Variants in FAAH2 observed in about 807,000 individuals in gnomAD.
FAAH2 encodes the protein fatty acid amide hydrolase 2, also known as fatty-acid amide hydrolase 2.
A neutral mutation model predicts 36.9 loss-of-function variants in FAAH2; 60 were observed. That is an observed-to-expected ratio of 1.63 (90% CI 1.32 to 2.02). The LOEUF is 2.02. Among genes scored for constraint, FAAH2 ranks in the 30% most tolerant of loss-of-function variants. The pLI, the probability that FAAH2 is intolerant of heterozygous loss-of-function variation, is 0.00. For missense variants in FAAH2, 689 were observed against 397.5 expected (o/e 1.73, Z -6.23); for synonymous variants, 214 against 143.8 (o/e 1.49, Z -3.49).
intron 10 of FAAH2, among the ~76,000 whole-genome samples, chrX:57,468,317 C>T (rs186264612): frequency 1.8e-5 from 2 of 111,378 alleles, no homozygotes; most frequent in Non-Finnish European, 3.8e-5. Context: ...GGAGCAAGTT[C>T]GAACCCAATG....
At chrX:57,272,280 T>C in the FAAH2 span, among the ~76,000 whole-genome samples, 2 of 110,413 alleles carry the variant, frequency 1.8e-5, no homozygotes, top group African/African-American at 3.3e-5. Flanking sequence ...CTGTGTTTGA[T>C]TGGTGTATCT....
the FAAH2 span, among the ~76,000 whole-genome samples, chrX:57,244,021 C>T: frequency 2.2e-4 from 24 of 107,721 alleles, no homozygotes; most frequent in African/African-American, 8.1e-4. Context: ...CGTTGAATTG[C>T]TAACTAGGAT....
the FAAH2 span, among the ~76,000 whole-genome samples, chrX:57,181,900 A>G: frequency 1.8e-5 from 2 of 111,860 alleles, no homozygotes; most frequent in African/African-American, 6.5e-5. Flanking sequence ...ATGTAACAGA[A>G]TAGATAGCTT....
chrX:57,461,886 A>G (rs1315600525), intron 10 of FAAH2, among the ~76,000 whole-genome samples: 2 of 110,808 alleles, frequency 1.8e-5, no homozygotes, highest in African/African-American at 6.6e-5. Flanking sequence ...GATTAACAAA[A>G]TACATAGACC....
At chrX:57,267,261 G>T in the FAAH2 span, among the ~76,000 whole-genome samples, 2 of 112,815 alleles carry the variant, frequency 1.8e-5, no homozygotes, top group South Asian at 7.2e-4. Context: ...CCTTCAGCAT[G>T]CAGGAGTGCA....
At chrX:57,330,616 T>G (rs753657715) in intron 3 of FAAH2, among the ~76,000 whole-genome samples, 1 of 111,542 alleles carries the variant, frequency 9.0e-6, no homozygotes, top group South Asian at 3.8e-4. Flanking sequence ...CCTCCCCTTT[T>G]GAACGTCCCT....
chrX:57,462,227 G>T (rs1419027773), intron 10 of FAAH2, among the ~76,000 whole-genome samples: 1 of 106,655 alleles, frequency 9.4e-6, no homozygotes, highest in Non-Finnish European at 1.9e-5. Context: ...TCTACCAGAG[G>T]TACAAAGAGC....
chrX:57,478,292 G>A (rs891543579), intron 10 of FAAH2, among the ~76,000 whole-genome samples: 1 of 111,535 alleles, frequency 9.0e-6, no homozygotes. Flanking sequence ...GTCTTCTTTT[G>A]AGAAGTGTCT....
chrX:57,325,574 G>T (rs1171960576), intron 3 of FAAH2, among the ~76,000 whole-genome samples: 3 of 107,792 alleles, frequency 2.8e-5, no homozygotes, highest in African/African-American at 1.0e-4. Context: ...TTGGGACAGT[G>T]TAGGTGTCGA....
chrX:57,354,304 A>T (rs768250085), intron 5 of FAAH2, among the ~76,000 whole-genome samples: 1 of 111,169 alleles, frequency 9.0e-6, no homozygotes, highest in South Asian at 3.8e-4. Flanking sequence ...TGACATCATT[A>T]TATTTAGCAA....
At chrX:57,225,479 T>G in the FAAH2 span, among the ~76,000 whole-genome samples, 1 of 112,051 alleles carries the variant, frequency 8.9e-6, no homozygotes, top group Non-Finnish European at 1.9e-5. Context: ...CATTTCCAGT[T>G]TTATTCCACT....
At chrX:57,368,726 C>G (rs977926293) in intron 5 of FAAH2, among the ~76,000 whole-genome samples, 4 of 111,163 alleles carry the variant, frequency 3.6e-5, no homozygotes, top group Non-Finnish European at 5.7e-5. Context: ...GTAAAAGTAT[C>G]TCCACATGAA....
At chrX:57,320,329 A>G (rs372479127) in intron 3 of FAAH2, among the ~76,000 whole-genome samples, 1 of 112,317 alleles carries the variant, frequency 8.9e-6, no homozygotes, top group East Asian at 2.8e-4. Context: ...CAAGAAAAAG[A>G]CAAACATCCC....
chrX:57,348,635 C>A (rs1273748150), intron 5 of FAAH2, among the ~76,000 whole-genome samples: 1 of 111,076 alleles, frequency 9.0e-6, no homozygotes, highest in Non-Finnish European at 1.9e-5. Flanking sequence ...CTAAAGCCTT[C>A]ACTAACAAGC....
intron 10 of FAAH2, among the ~76,000 whole-genome samples, chrX:57,478,861 A>T (rs1034642335): frequency 9.0e-6 from 1 of 111,636 alleles, no homozygotes; most frequent in Non-Finnish European, 1.9e-5. Context: ...CTGTTTTGGT[A>T]CCAATACCAT....
intron 7 of FAAH2, among the ~76,000 whole-genome samples, chrX:57,407,165 C>T (rs942171157): frequency 8.9e-6 from 1 of 112,246 alleles, no homozygotes; most frequent in Admixed American, 9.4e-5. Flanking sequence ...TAGTGATCCT[C>T]TTATTTGTCG....
At chrX:57,306,007 A>G (rs189964622) in intron 2 of FAAH2, among the ~76,000 whole-genome samples, 3 of 112,121 alleles carry the variant, frequency 2.7e-5, no homozygotes, top group Non-Finnish European at 1.9e-5. Context: ...TTCAGTAACT[A>G]GCAGTCTTAG....
chrX:57,216,517 TAC>T, the FAAH2 span, among the ~76,000 whole-genome samples: 5 of 79,741 alleles, frequency 6.3e-5, no homozygotes, highest in Admixed American at 1.4e-4. Flanking sequence ...TATATATATA[TAC>T]GTATATGTAT....
intron 7 of FAAH2, among the ~76,000 whole-genome samples, chrX:57,417,474 A>G (rs4826349): frequency 0.38 from 41,869 of 110,724 alleles, 6,634 homozygotes; most frequent in Middle Eastern, 0.64. Flanking sequence ...CTATTTTCTA[A>G]CAGTCAGGCC....
Sources: gnomAD v4.1 joint callset for allele counts (sites outside exome capture counted in the v4.1 genomes callset) on GRCh38, gnomAD v4.1.1 for gene constraint, MANE v1.5 for transcripts, NCBI Gene and HGNC (gene_info 2026-07-23, HGNC 2026-07-21) for gene names.